PCTP: variants seen among roughly 807,000 people sequenced by gnomAD.
PCTP encodes the protein START domain-containing protein 2.
A neutral mutation model predicts 31.0 loss-of-function variants in PCTP; 27 were observed. The observed-to-expected ratio is 0.87, with a 90% CI of 0.64 to 1.20. The LOEUF (loss-of-function observed/expected upper bound fraction) is 1.20, where lower values mean the gene tolerates loss of function less well. Ranked by LOEUF, PCTP falls within the 50% of genes most tolerant of loss-of-function variation. The probability of loss-of-function intolerance (pLI) is 0.00; values close to 1 mark genes in which losing one functional copy is unlikely to be tolerated. For synonymous variants in PCTP, 108 were observed against 101.2 expected, an observed-to-expected ratio of 1.07 and a Z score of -0.40; for missense variants, 287 against 268.2, an observed-to-expected ratio of 1.07 and a Z score of -0.49.
chr17:55,787,296 A>G (rs1911780370), intron 2 of PCTP, among the ~76,000 whole-genome samples: 1 of 151,350 alleles, frequency 6.6e-6, no homozygotes, highest in Non-Finnish European at 1.5e-5. Context: ...GAATGTATTT[A>G]TACATGCGTT....
intron 3 of PCTP, among the ~76,000 whole-genome samples, chr17:55,791,499 A>G (rs1224613547): frequency 4.1e-5 from 6 of 148,106 alleles, no homozygotes; most frequent in African/African-American, 1.5e-4. Flanking sequence ...GGCAAAGGAC[A>G]TGAACAGACA....
downstream of PCTP, among the ~76,000 whole-genome samples, chr17:55,780,130 A>C (rs1911509508): frequency 6.6e-6 from 1 of 151,030 alleles, no homozygotes; most frequent in Non-Finnish European, 1.5e-5. Flanking sequence ...GAAGCATAAC[A>C]TATTGTTTGT....
chr17:55,804,933 T>TG (rs1386103475), intron 3 of PCTP, among the ~76,000 whole-genome samples: 1 of 152,154 alleles, frequency 6.6e-6, no homozygotes, highest in Non-Finnish European at 1.5e-5. Flanking sequence ...ATTATTAATA[T>TG]GGGTTTTTTT....
chr17:55,776,555 G>A lies in PCTP; in HGVS notation c.*455G>A, dbSNP rs1160434646. On this transcript the variant is annotated 3_prime_UTR_variant, in exon 6 of 6. Transcript: ENST00000268896. ...CAGCTTGTGATTTCTTCCAGCTTGG[G>A]AGGGGCTGCTGGAAGTGGCATTTCG... 3 of 1,231,920 alleles carry A rather than the reference G, an allele frequency of 2.4e-6. No individual in the cohort carries two copies. The highest frequency in any genetic ancestry group is 3.2e-5 in the East Asian group (1 of 31,720). The allele number at this position is 1,231,920 out of a possible 1,614,324, so 76.3% of individuals were successfully genotyped here.
intron 3 of PCTP, among the ~76,000 whole-genome samples, chr17:55,807,949 A>G (rs1418498948): frequency 6.6e-6 from 1 of 152,210 alleles, no homozygotes; most frequent in Non-Finnish European, 1.5e-5. Flanking sequence ...CAAATAAAGT[A>G]GATATTAGCG....
chr17:55,831,721 C>A (rs1197515527), intron 5 of PCTP, among the ~76,000 whole-genome samples: 1 of 152,144 alleles, frequency 6.6e-6, no homozygotes, highest in Non-Finnish European at 1.5e-5. Flanking sequence ...TTCCTTTGCA[C>A]TAGAGTCCCA....
the PCTP span, among the ~76,000 whole-genome samples, chr17:55,848,027 A>G: frequency 1.3e-5 from 2 of 152,114 alleles, no homozygotes; most frequent in Non-Finnish European, 2.9e-5. Context: ...GGTTCAAGCA[A>G]TTCTCATGCT....
At chr17:55,827,541 A>T (rs1905440927), downstream of PCTP, among the ~76,000 whole-genome samples, 1 of 152,236 alleles carries the variant, frequency 6.6e-6, no homozygotes, top group African/African-American at 2.4e-5. Flanking sequence ...GTTAGCTGAA[A>T]CACCTATATT....
chr17:55,801,250 C>T (rs938876189), intron 3 of PCTP, among the ~76,000 whole-genome samples: 2 of 152,134 alleles, frequency 1.3e-5, no homozygotes, highest in African/African-American at 4.8e-5. Context: ...CTTAGACTCC[C>T]ACACAATGAC....
At chr17:55,751,847 C>T (rs1008925477) in intron 1 of PCTP, among the ~76,000 whole-genome samples, 2 of 152,162 alleles carry the variant, frequency 1.3e-5, no homozygotes, top group Non-Finnish European at 2.9e-5. Context: ...TTGTTGAAGT[C>T]TTTGGAATCA....
chr17:55,763,926 G>A (rs34790567), intron 1 of PCTP, among the ~76,000 whole-genome samples: 17,265 of 152,204 alleles, frequency 0.11, 1,113 homozygotes, highest in African/African-American at 0.17. Context: ...AGGTGTTGCC[G>A]TGTTATGGAG....
chr17:55,799,733 G>C (rs913226574), intron 3 of PCTP, among the ~76,000 whole-genome samples: 2 of 152,012 alleles, frequency 1.3e-5, no homozygotes, highest in Non-Finnish European at 2.9e-5. Flanking sequence ...TCCATATTTA[G>C]TGCTTCCTTC....
Position 55,775,440 on chromosome 17 carries a change from A to G in PCTP, c.579+581A>G, listed in dbSNP as rs969194435. Reference sequence around the variant, plus strand: ...AACAGATTCCTTGGAAGAGTGAAAAAGCACATCAACTTTGGAGTCAAACAG... The same window carrying G: ...AACAGATTCCTTGGAAGAGTGAAAAGGCACATCAACTTTGGAGTCAAACAG... On this transcript the variant is annotated intron_variant, in intron 5 of 5. Transcript: ENST00000268896. 9 of 1,231,570 alleles carry G rather than the reference A, an allele frequency of 7.3e-6. No individual in the cohort carries two copies. The Admixed American group carries it at 2.5e-4, about 35-fold the overall frequency. 76.3% of individuals were successfully genotyped at this position (1,231,570 alleles called of 1,614,324 possible). A position where few individuals can be genotyped will look rare whatever the true frequency, so the allele number is the denominator to read the frequency against.
rs1195000351 is a variant in PCTP at position 55,822,792 on chromosome 17, A to G, written c.349A>G (p.Ile117Val). 5 of 1,231,382 alleles carry G rather than the reference A, an allele frequency of 4.1e-6. No individual in the cohort carries two copies. The East Asian group carries it at 1.3e-4, about 31-fold the overall frequency. 76.3% of individuals were successfully genotyped at this position (1,231,382 alleles called of 1,614,324 possible). ...AGCAGAACCAAGCGGGAAGCTCAGA[A>G]TCAGAGAGACCTCATCAAGTTTTTG... Residue 117 changes from isoleucine (I) to valine (V), a missense_variant, in exon 4 of 4, where the codon ATC (isoleucine) becomes GTC (valine). Coordinates refer to the PCTP transcript ENST00000572536.
chr17:55,755,147 C>G (rs977275405), intron 1 of PCTP, among the ~76,000 whole-genome samples: 1 of 152,066 alleles, frequency 6.6e-6, no homozygotes, highest in African/African-American at 2.4e-5. Context: ...TAGAGTTGCT[C>G]CCCTGAAGAT....
At chr17:55,761,415 G>T (rs1239165230) in intron 1 of PCTP, among the ~76,000 whole-genome samples, 1 of 151,432 alleles carries the variant, frequency 6.6e-6, no homozygotes, top group African/African-American at 2.4e-5. Flanking sequence ...AGAAGCCTCT[G>T]CCTGGTTTCT....
intron 1 of PCTP, among the ~76,000 whole-genome samples, chr17:55,765,037 A>C (rs1273487257): frequency 1.3e-5 from 2 of 152,234 alleles, no homozygotes; most frequent in African/African-American, 4.8e-5. Flanking sequence ...TGGCTTACCA[A>C]GGAAACAAGG....
At chr17:55,752,754 A>G (rs150672707) in intron 1 of PCTP, among the ~76,000 whole-genome samples, 54 of 152,304 alleles carry the variant, frequency 3.5e-4, no homozygotes, top group African/African-American at 1.2e-3. Flanking sequence ...TTACTCACTC[A>G]ACAAACTCTG....
At chr17:55,839,658 C>T (rs62078598) in intron 5 of PCTP, among the ~76,000 whole-genome samples, 7,672 of 152,066 alleles carry the variant, frequency 0.05, 250 homozygotes, top group Non-Finnish European at 0.071. Context: ...CGGTGGCTCA[C>T]GCCTGTAATC....
Sources: allele counts gnomAD v4.1 joint callset (sites outside exome capture counted in the v4.1 genomes callset), GRCh38; gene constraint gnomAD v4.1.1; transcripts MANE v1.5; gene names NCBI Gene and HGNC (gene_info 2026-07-23, HGNC 2026-07-21).